FRS2: variants seen among roughly 807,000 people sequenced by gnomAD.
FRS2 encodes fibroblast growth factor receptor substrate 2, also known as FGFR signalling adaptor.
In FRS2, 8 loss-of-function variants were observed where a neutral mutation model predicts 43.9. The ratio of observed to expected loss-of-function variants is 0.18; its 90% CI spans 0.11 to 0.33. The LOEUF (loss-of-function observed/expected upper bound fraction) is 0.33. Ranked by LOEUF, FRS2 falls within the 10% of genes least tolerant of loss-of-function variation. The probability of loss-of-function intolerance (pLI) is 1.00; values close to 1 mark genes in which losing one functional copy is unlikely to be tolerated. For missense variants in FRS2, 534 were observed against 627.6 expected, an observed-to-expected ratio of 0.85 and a Z score of 1.59; for synonymous variants, 219 against 220.3, an observed-to-expected ratio of 0.99 and a Z score of 0.05.
At chr12:69,552,131 C>A (rs528188145) in intron 3 of FRS2, among the ~76,000 whole-genome samples, 2 of 151,516 alleles carry the variant, frequency 1.3e-5, no homozygotes, top group South Asian at 4.2e-4. Context: ...GGAGAAACCC[C>A]GTCTCTACTA....
chr12:69,478,634 T>C (rs1871063860), intron 1 of FRS2, among the ~76,000 whole-genome samples: 1 of 152,168 alleles, frequency 6.6e-6, no homozygotes, highest in African/African-American at 2.4e-5. Context: ...GTATTCTAAA[T>C]TTTTGGGGAG....
intron 1 of FRS2, among the ~76,000 whole-genome samples, chr12:69,520,910 G>T (rs1039751909): frequency 6.6e-6 from 1 of 151,780 alleles, no homozygotes; most frequent in Non-Finnish European, 1.5e-5. Context: ...CTTTTTTTGT[G>T]GTGGTTGTTC....
chr12:69,572,742 A>T (rs535209280), intron 8 of FRS2, among the ~76,000 whole-genome samples: 5 of 152,228 alleles, frequency 3.3e-5, no homozygotes, highest in Admixed American at 6.5e-5. Context: ...TTAATTAGTT[A>T]TACTTATGTT....
chr12:69,474,408 G>A (rs997132298), intron 1 of FRS2, among the ~76,000 whole-genome samples: 2 of 145,736 alleles, frequency 1.4e-5, no homozygotes, highest in Non-Finnish European at 3.0e-5. Context: ...AGTGCCAAGG[G>A]AGAATGTAGA....
At chr12:69,554,807 C>T (rs922996677) in intron 3 of FRS2, among the ~76,000 whole-genome samples, 9 of 151,926 alleles carry the variant, frequency 5.9e-5, no homozygotes, top group Non-Finnish European at 7.4e-5. Context: ...TGGGCTCAAG[C>T]GATCCTCTCA....
chr12:69,567,275 G>A (rs1313097697), intron 4 of FRS2, among the ~76,000 whole-genome samples: 2 of 152,034 alleles, frequency 1.3e-5, no homozygotes, highest in African/African-American at 4.8e-5. Flanking sequence ...ATTAGTTAAA[G>A]CAAAAATACC....
chr12:69,519,220 A>C (rs1342585686), intron 1 of FRS2, among the ~76,000 whole-genome samples: 1 of 152,166 alleles, frequency 6.6e-6, no homozygotes, highest in African/African-American at 2.4e-5. Flanking sequence ...GTATTCATGT[A>C]AGTCAGTTCC....
intron 4 of FRS2, among the ~76,000 whole-genome samples, chr12:69,566,671 T>C (rs186824308): frequency 2.0e-4 from 30 of 150,900 alleles, no homozygotes; most frequent in Admixed American, 5.3e-4. Flanking sequence ...CCCTGGAAAA[T>C]GAACAAGACA....
intron 1 of FRS2, among the ~76,000 whole-genome samples, chr12:69,477,742 T>G (rs1220433116): frequency 1.4e-5 from 2 of 147,808 alleles, no homozygotes; most frequent in African/African-American, 5.2e-5. Flanking sequence ...ATTTATTTAT[T>G]TATTTATTTA....
At chr12:69,526,031 G>T (rs1876189367) in intron 1 of FRS2, among the ~76,000 whole-genome samples, 1 of 151,936 alleles carries the variant, frequency 6.6e-6, no homozygotes, top group African/African-American at 2.4e-5. Context: ...GGCTAATTTT[G>T]TGTTTTTAGT....
At chr12:69,494,364 T>C (rs1239439451) in intron 1 of FRS2, among the ~76,000 whole-genome samples, 1 of 152,236 alleles carries the variant, frequency 6.6e-6, no homozygotes, top group Non-Finnish European at 1.5e-5. Flanking sequence ...CTAGGGCTTC[T>C]GTTTCAGTTT....
Position 69,470,428 on chromosome 12 carries a change from T to A in FRS2, c.-363T>A. On this transcript the variant is annotated 5_prime_UTR_variant, in exon 1 of 9. Coordinates refer to ENST00000549921, the MANE Select transcript of FRS2 (RefSeq NM_001278356.2). ...AGAGAGGCCTTGTAGGCACAGCGGC[T>A]GAGACTCGATCTGCTCCAAGTAGGG... 1 of 398,558 alleles carries A rather than the reference T, an allele frequency of 2.5e-6. No individual in the cohort carries two copies. The highest frequency in any genetic ancestry group is 4.4e-5 in the Admixed American group (1 of 22,736). 24.7% of individuals were successfully genotyped at this position (398,558 alleles called of 1,614,324 possible). A position where few individuals can be genotyped will look rare whatever the true frequency, so the allele number is the denominator to read the frequency against.
At chr12:69,497,700 A>C (rs1375242393) in intron 1 of FRS2, among the ~76,000 whole-genome samples, 1 of 152,234 alleles carries the variant, frequency 6.6e-6, no homozygotes, top group Non-Finnish European at 1.5e-5. Context: ...TGAGCCCTGT[A>C]GATATTCGGG....
chr12:69,520,936 A>T (rs116030997), intron 1 of FRS2, among the ~76,000 whole-genome samples: 1,537 of 151,422 alleles, frequency 0.01, 30 homozygotes, highest in African/African-American at 0.034. Flanking sequence ...AAATTAAAAA[A>T]TTTTTTTTTC....
chr12:69,485,082 A>AACACATACAC (rs1871713916), intron 1 of FRS2, among the ~76,000 whole-genome samples: 1 of 85,304 alleles, frequency 1.2e-5, no homozygotes, highest in African/African-American at 5.5e-5. Context: ...CTCATCTTAA[A>AACACATACAC]ACACACACAC....
chr12:69,537,610 T>C lies in FRS2; in HGVS notation c.-122+5554T>C, dbSNP rs141410131. ...GCTGTGTTAAGCCTTTTTTTTTCCT[T>C]CCCATTTAGTGTTTTGCAGTTTTGT... On this transcript the variant is annotated intron_variant, in intron 3 of 8. Transcript: ENST00000549921. Among the ~76,000 whole-genome samples the C allele has an allele frequency of 9.2e-5, 14 of 152,280 alleles. No homozygotes were observed. In the East Asian group the frequency reaches 2.7e-3, roughly 29 times the overall value.
intron 1 of FRS2, among the ~76,000 whole-genome samples, chr12:69,494,926 A>G (rs994110624): frequency 2.6e-5 from 4 of 152,116 alleles, no homozygotes; most frequent in South Asian, 2.1e-4. Flanking sequence ...GACGCCCACC[A>G]TCACGCCCAG....
intron 3 of FRS2, among the ~76,000 whole-genome samples, chr12:69,553,267 T>A (rs1879062221): frequency 6.6e-6 from 1 of 151,892 alleles, no homozygotes; most frequent in Admixed American, 6.6e-5. Context: ...GAGACGGGGT[T>A]TCACTGTGTT....
At chr12:69,548,132 C>T (rs970168898) in intron 3 of FRS2, among the ~76,000 whole-genome samples, 3 of 152,086 alleles carry the variant, frequency 2.0e-5, no homozygotes, top group Non-Finnish European at 2.9e-5. Context: ...AAATTACAGG[C>T]GTAAGCCACT....
Sources: gnomAD v4.1 joint callset for allele counts (sites outside exome capture counted in the v4.1 genomes callset) on GRCh38, gnomAD v4.1.1 for gene constraint, MANE v1.5 for transcripts, NCBI Gene and HGNC (gene_info 2026-07-23, HGNC 2026-07-21) for gene names.